Variants in KRT2 observed in about 807,000 individuals in gnomAD.
The protein encoded by KRT2 is keratin 2.
A neutral mutation model predicts 48.5 loss-of-function variants in KRT2; 37 were observed. That is an observed-to-expected ratio of 0.76 (90% CI 0.59 to 1.00). The LOEUF is 1.00. Among genes scored for constraint, KRT2 ranks in the 50% least tolerant of loss-of-function variants. The pLI is 0.00. For synonymous variants in KRT2, 324 were observed against 312.2 expected, an observed-to-expected ratio of 1.04 and a Z score of -0.40; for missense variants, 880 against 815.2, an observed-to-expected ratio of 1.08 and a Z score of -0.97.
At chr12:52,650,051 C>A (rs1279672245) in intron 2 of KRT2, 77 bp from the exon 3 acceptor site, 3 of 1,009,984 alleles carry the variant, frequency 3.0e-6, no homozygotes, top group Non-Finnish European at 4.8e-6. Flanking sequence ...ACTGGATTCA[C>A]CCCAAATGCC....
chr12:52,645,208 A>T lies in KRT2; in HGVS notation c.1731T>A (p.Gly577=). Residue 577 remains glycine (G), a synonymous_variant, in exon 9 of 9, where the codon GGT becomes GGA. Coordinates refer to ENST00000309680, the MANE Select transcript of KRT2 (RefSeq NM_000423.3). ...GGSGGRYGSG[G]GSKGGSISGG... Reference sequence around the variant, plus strand: ...CAGAGATGGACCCTCCCTTAGAGCCACCACCAGATCCGTATCTTCCTCCAG... The same window carrying T: ...CAGAGATGGACCCTCCCTTAGAGCCTCCACCAGATCCGTATCTTCCTCCAG... 1 of 1,613,552 alleles carries T rather than the reference A, an allele frequency of 6.2e-7. No individual in the cohort carries two copies. The highest frequency in any genetic ancestry group is 1.1e-5 in the South Asian group (1 of 91,000).
chr12:52,646,820 G>A lies in KRT2; in HGVS notation c.1389C>T (p.Tyr463=), dbSNP rs751910699. 1.2e-6 allele frequency: 2 copies of A among 1,614,128 alleles called. No homozygotes were observed. The highest frequency in any genetic ancestry group is 4.5e-5 in the East Asian group (2 of 44,882). Reference sequence around the variant, plus strand: ...CCAGCTTCACGTTCATCAGCTCCTGGTAGTCACGCAGCAGCCGCGCCAAGT... The same window carrying A: ...CCAGCTTCACGTTCATCAGCTCCTGATAGTCACGCAGCAGCCGCGCCAAGT... The part of the protein sequence containing the change: ...KEDLARLLRD[Y]QELMNVKLAL... The change falls in exon 7 of 9, where the codon TAC becomes TAT. Residue 463 remains tyrosine (Y), a synonymous_variant. Coordinates refer to ENST00000309680, the MANE Select transcript of KRT2 (RefSeq NM_000423.3).
chr12:52,650,634 G>C lies in KRT2; in HGVS notation c.586-81C>G, dbSNP rs1035975593. On this transcript the variant is annotated intron_variant, in intron 1 of 8. Transcript: ENST00000309680. ...AGCCACGCTGGCCAGGGGCAGCTCA[G>C]GTGCTGCTTCAGGACCTCGAGAAGT... The C allele has an allele frequency of 2.5e-5, 29 of 1,176,110 alleles. No homozygotes were observed. In the South Asian group the frequency reaches 3.3e-4, roughly 13 times the overall value. The allele number at this position is 1,176,110 out of a possible 1,614,324, so 72.9% of individuals were successfully genotyped here.
At chr12:52,647,418 A>C (rs1190664855) in intron 6 of KRT2, among the ~76,000 whole-genome samples, 3 of 152,244 alleles carry the variant, frequency 2.0e-5, no homozygotes, top group Non-Finnish European at 4.4e-5. Flanking sequence ...GGGAAGCTCC[A>C]TCGGCAATCT....
At chr12:52,647,972 G>A in intron 5 of KRT2, 117 bp from the exon 6 acceptor site, 4 of 1,367,672 alleles carry the variant, frequency 2.9e-6, no homozygotes, top group East Asian at 2.3e-5. Context: ...CCAGCTAAAT[G>A]TCATGGCTGC....
In KRT2 at chr12:52,649,951, C is replaced by T. The variant is rs1192339408; in HGVS notation, c.824G>A (p.Arg275His). ...KKKYEDEINK[R>H]TAAENDFVTL... The stretch of plus-strand genomic sequence containing the variant: ...CACAAAATCATTCTCAGCAGCTGTG[C>T]GCTTATTGATTTCATCCTCATACCT... Residue 275 changes from arginine to histidine, a missense_variant, in exon 3 of 9, where the codon CGC (arginine) becomes CAC (histidine). Coordinates refer to ENST00000309680, the MANE Select transcript of KRT2 (RefSeq NM_000423.3). 1.4e-5 allele frequency: 23 copies of T among 1,613,220 alleles called. No individual in the cohort carries two copies. The highest frequency in any genetic ancestry group is 4.4e-5 in the South Asian group (4 of 91,052).
intron 1 of KRT2, 108 bp from the exon 2 acceptor site, chr12:52,650,661 T>G (rs1021404690): frequency 2.2e-6 from 2 of 889,718 alleles, no homozygotes; most frequent in Non-Finnish European, 3.7e-6. Flanking sequence ...TCGAGAAGTG[T>G]CTGAGGCTGG....
chr12:52,646,610 G>C (rs886945066), intron 7 of KRT2, 130 bp downstream of exon 7: 2 of 944,502 alleles, frequency 2.1e-6, no homozygotes, highest in Non-Finnish European at 3.4e-6. Context: ...GGAACACAGA[G>C]AATGTCAGTT....
At chr12:52,648,112 TG>T in intron 5 of KRT2, 60 bp downstream of exon 5, 1 of 1,567,196 alleles carries the variant, frequency 6.4e-7, no homozygotes, top group East Asian at 2.2e-5. Flanking sequence ...ACTTTCCAGC[TG>T]GGGGTGCAAC....
chr12:52,644,827 T>C lies in KRT2; in HGVS notation c.*192A>G. Reference sequence around the variant, plus strand: ...CCGCCCCAGAACACAGAGGCGTCACTGGCTCTAACTAACTGGTTTGGAGAG... The same window carrying C: ...CCGCCCCAGAACACAGAGGCGTCACCGGCTCTAACTAACTGGTTTGGAGAG... On this transcript the variant is annotated 3_prime_UTR_variant, in exon 9 of 9. Transcript: ENST00000309680. The C allele has an allele frequency of 3.1e-6, 2 of 648,026 alleles. No homozygotes were observed. Among genetic ancestry groups the C allele is most frequent in the Middle Eastern group, 4.2e-4 (1 of 2,354 alleles). The allele number at this position is 648,026 out of a possible 1,614,324, so 40.1% of individuals were successfully genotyped here. A position where few individuals can be genotyped will look rare whatever the true frequency, so the allele number is the denominator to read the frequency against.
chr12:52,645,773 C>T (rs559862904), intron 7 of KRT2, among the ~76,000 whole-genome samples: 3 of 152,278 alleles, frequency 2.0e-5, no homozygotes, highest in African/African-American at 4.8e-5. Context: ...CATGTCAATC[C>T]CTCTCAATTT....
At chr12:52,645,673 G>T in intron 7 of KRT2, 104 bp from the exon 8 acceptor site, 1 of 1,167,464 alleles carries the variant, frequency 8.6e-7, no homozygotes, top group Non-Finnish European at 1.3e-6. Flanking sequence ...GCCTCTCTAA[G>T]CAGCCACCAG....
chr12:52,647,373 T>A (rs1941182387), intron 6 of KRT2, among the ~76,000 whole-genome samples: 1 of 152,208 alleles, frequency 6.6e-6, no homozygotes, highest in African/African-American at 2.4e-5. Flanking sequence ...ATGAAACCAG[T>A]CGGCTGGTGC....
Position 52,648,310 on chromosome 12 carries a change from T to G in KRT2, c.985A>C (p.Thr329Pro). 6.2e-7 allele frequency: 1 copy of G among 1,614,122 alleles called. No homozygotes were observed. Among genetic ancestry groups the G allele is most frequent in the Non-Finnish European group, 8.5e-7 (1 of 1,179,978 alleles). ...ATGGAGAGGATGACGTTGGTGTCAG[T>G]GACACTCTGATGTATCTGGGATATC... ...AEISQIHQSV[T>P]DTNVILSMDN... Residue 329 changes from threonine (T) to proline (P), a missense_variant, in exon 5 of 9, where the codon ACT becomes CCT. Coordinates refer to ENST00000309680, the MANE Select transcript of KRT2 (RefSeq NM_000423.3).
At position 52,645,585 on chromosome 12, in the gene KRT2, A is replaced by G. The variant is rs1941152506; in HGVS notation, c.1470-16T>C. ...TCCAGACATCCTGTAAGGGAGAGAGAAAAAACAAGTTGTGGTGGAACACTT... is the reference window on the plus strand; with the variant it reads ...TCCAGACATCCTGTAAGGGAGAGAGGAAAAACAAGTTGTGGTGGAACACTT... On this transcript the variant is annotated splice_polypyrimidine_tract_variant and intron_variant, in intron 7 of 8. Transcript: ENST00000309680. 1.2e-6 allele frequency: 2 copies of G among 1,613,738 alleles called. No individual in the cohort carries two copies. The highest frequency in any genetic ancestry group is 1.3e-5 in the African/African-American group (1 of 74,912).
At position 52,645,221 on chromosome 12, in the gene KRT2, T is replaced by A. The variant is rs1941145608; in HGVS notation, c.1718A>T (p.Tyr573Phe). The change falls in exon 9 of 9, where the codon TAC becomes TTC. Residue 573 changes from tyrosine (Y) to phenylalanine (F), a missense_variant. Physicochemically the swap from Tyr to Phe is conservative, Grantham distance 22. Transcript: ENST00000309680. ...YGSGGGSGGRYGSGGGSKGGS... is the reference protein window; with the variant it reads ...YGSGGGSGGRFGSGGGSKGGS... ...TCCCTTAGAGCCACCACCAGATCCG[T>A]ATCTTCCTCCAGAACCACCGCCAGA... The A allele has an allele frequency of 6.2e-7, 1 of 1,613,262 alleles. No homozygotes were observed. Among genetic ancestry groups the A allele is most frequent in the East Asian group, 2.2e-5 (1 of 44,846 alleles).
At position 52,648,216 on chromosome 12, in the gene KRT2, G is replaced by C; in HGVS notation, c.1079C>G (p.Ala360Gly). ...CTCCGCTTCTTCCTTGCTCCTCTGG[G>C]CGATCTCCTCATACTGGGCCTTGAC... is the stretch of plus-strand genomic sequence containing the variant. ...AEVKAQYEEI[A>G]QRSKEEAEAL... Residue 360 changes from alanine (A) to glycine (G), a missense_variant, in exon 5 of 9, where the codon GCC (alanine) becomes GGC (glycine). Physicochemically the swap from Ala to Gly is moderately conservative, Grantham distance 60. Coordinates refer to ENST00000309680, the MANE Select transcript of KRT2 (RefSeq NM_000423.3). The C allele has an allele frequency of 6.2e-7, 1 of 1,614,136 alleles. No individual in the cohort carries two copies. Among genetic ancestry groups the C allele is most frequent in the South Asian group, 1.1e-5 (1 of 91,080 alleles).
intron 4 of KRT2, among the ~76,000 whole-genome samples, chr12:52,648,706 A>C (rs1397492434): frequency 6.6e-6 from 1 of 152,166 alleles, no homozygotes; most frequent in Non-Finnish European, 1.5e-5. Flanking sequence ...TCTGAAGTAC[A>C]GTAGGCACAG....
intron 3 of KRT2, among the ~76,000 whole-genome samples, chr12:52,649,617 T>G (rs1941218866): frequency 1.3e-5 from 2 of 152,200 alleles, no homozygotes; most frequent in South Asian, 4.1e-4. Context: ...CTCAGCTCTT[T>G]AGAAGGAGAA....
Sources: gnomAD v4.1 joint callset for allele counts (sites outside exome capture counted in the v4.1 genomes callset) on GRCh38, gnomAD v4.1.1 for gene constraint, MANE v1.5 for transcripts, NCBI Gene and HGNC (gene_info 2026-07-23, HGNC 2026-07-21) for gene names.